Variants in RIMBP2 observed in about 807,000 individuals in gnomAD.
RIMBP2 encodes the protein RIMS binding protein 2, also known as RIMS-binding protein 2.
RIMBP2 carries 48 observed loss-of-function variants against 118.6 expected under a neutral mutation model. That is an observed-to-expected ratio of 0.40 (90% CI 0.32 to 0.51). The LOEUF (loss-of-function observed/expected upper bound fraction) is 0.51. Among genes scored for constraint, RIMBP2 ranks in the 20% least tolerant of loss-of-function variants. The pLI is 0.41. For synonymous variants in RIMBP2, 762 were observed against 742.9 expected, an observed-to-expected ratio of 1.03 and a Z score of -0.42; for missense variants, 1,551 against 1,768.3, an observed-to-expected ratio of 0.88 and a Z score of 2.20.
chr12:130,648,481 C>T (rs11061054), intron 1 of RIMBP2, among the ~76,000 whole-genome samples: 26,205 of 144,480 alleles, frequency 0.18, 5,213 homozygotes, highest in African/African-American at 0.32. Flanking sequence ...CTGTATGCGT[C>T]TTCTAAATCC....
intron 1 of RIMBP2, among the ~76,000 whole-genome samples, chr12:130,690,600 T>C (rs1350329079): frequency 6.6e-6 from 1 of 152,150 alleles, no homozygotes; most frequent in Non-Finnish European, 1.5e-5. Flanking sequence ...GGGAGAGGGA[T>C]TTTCTGTTGC....
At chr12:130,444,798 CTCTGGGAGACCCTGAGGGTGCT>C (rs1419335672) in intron 10 of RIMBP2, among the ~76,000 whole-genome samples, 3 of 152,192 alleles carry the variant, frequency 2.0e-5, no homozygotes, top group Non-Finnish European at 4.4e-5. Context: ...GAGAGGGTGC[CTCTGGGAGACCCTGAGGGTGCT>C]GAAAGACAAG....
intron 1 of RIMBP2, among the ~76,000 whole-genome samples, chr12:130,695,655 C>A (rs74732209): frequency 0.029 from 4,374 of 152,048 alleles, 212 homozygotes; most frequent in African/African-American, 0.1. Flanking sequence ...AGTGAGGTGA[C>A]CTAGTTTGTT....
rs772156262 is a variant in RIMBP2 at position 130,412,604 on chromosome 12, G to T, written c.3589+15C>A. The T allele has an allele frequency of 6.2e-7, 1 of 1,610,582 alleles. No individual in the cohort carries two copies. Among genetic ancestry groups the T allele is most frequent in the South Asian group, 1.1e-5 (1 of 90,616 alleles). On this transcript the variant is annotated intron_variant, in intron 19 of 22. Transcript: ENST00000690449. Reference sequence around the variant, plus strand: ...TAAAATGCACAGGGAAGGTCGAATAGGGGTTTGCGCTTACCTATTTTCTCC... The same window carrying T: ...TAAAATGCACAGGGAAGGTCGAATATGGGTTTGCGCTTACCTATTTTCTCC...
chr12:130,686,655 G>A (rs1249624753), intron 1 of RIMBP2, among the ~76,000 whole-genome samples: 2 of 152,246 alleles, frequency 1.3e-5, no homozygotes, highest in Non-Finnish European at 2.9e-5. Flanking sequence ...CCCGGGCCAC[G>A]CGCACATGGC....
rs182443172 is a variant in RIMBP2, at chr12:130,443,335, G to A, written c.692-675C>T. The stretch of plus-strand genomic sequence containing the variant: ...TATTTTGTGAAAGTCTAACTTCTAC[G>A]TGCTTTCTTCATTAGTAGGGCTCAC... On this transcript the variant is annotated intron_variant, in intron 10 of 22. Transcript: ENST00000690449. Among the ~76,000 whole-genome samples the A allele has an allele frequency of 1.3e-3, 203 of 152,124 alleles. 2 individuals are homozygous for A. Among genetic ancestry groups the A allele is most frequent in the African/African-American group, 4.6e-3 (191 of 41,478 alleles).
At chr12:130,476,173 G>C (rs770799837) in intron 5 of RIMBP2, among the ~76,000 whole-genome samples, 1 of 152,130 alleles carries the variant, frequency 6.6e-6, no homozygotes, top group African/African-American at 2.4e-5. Context: ...CTGGGCCTCC[G>C]GGTCAAAGAA....
In RIMBP2 at chr12:130,437,084, A is replaced by G; in HGVS notation, c.1864T>C (p.Ser622Pro). 6.3e-7 allele frequency: 1 copy of G among 1,576,492 alleles called. No individual in the cohort carries two copies. Among genetic ancestry groups the G allele is most frequent in the Non-Finnish European group, 8.6e-7 (1 of 1,159,406 alleles). ...TCGTCTTTGGTTTCGGGGACTCCAG[A>G]ACTTGCTAATGGCTTTGATTGGGGT... ...PAPQSKPLAS[S>P]GVPETKDEHL... Residue 622 changes from serine to proline, a missense_variant, in exon 13 of 23, where the codon TCT becomes CCT. Ser to Pro is a moderately conservative substitution (Grantham distance 74, BLOSUM62 -1). Around this residue, in one of 5 missense-constraint regions of RIMBP2, gnomAD observed 1,038 missense variants for 1,125.1 expected, o/e 0.92. Coordinates refer to ENST00000690449, the MANE Select transcript of RIMBP2 (RefSeq NM_001393629.1).
chr12:130,697,628 T>C (rs903065795), intron 1 of RIMBP2, among the ~76,000 whole-genome samples: 4 of 152,080 alleles, frequency 2.6e-5, no homozygotes, highest in Non-Finnish European at 4.4e-5. Flanking sequence ...CCTTCCTAAA[T>C]TGGATGTGGT....
chr12:130,510,200 G>A (rs967632086), intron 3 of RIMBP2, among the ~76,000 whole-genome samples: 2 of 152,226 alleles, frequency 1.3e-5, no homozygotes, highest in African/African-American at 4.8e-5. Context: ...GGCGCCAGAA[G>A]CTAGAGTCCA....
chr12:130,586,233 T>A (rs1269249123), intron 2 of RIMBP2, among the ~76,000 whole-genome samples: 1 of 152,148 alleles, frequency 6.6e-6, no homozygotes, highest in Non-Finnish European at 1.5e-5. Context: ...GGTGGGTGGA[T>A]CACGAGGTCA....
intron 2 of RIMBP2, among the ~76,000 whole-genome samples, chr12:130,535,101 C>T (rs1054119809): frequency 1.3e-5 from 2 of 152,282 alleles, no homozygotes; most frequent in Non-Finnish European, 2.9e-5. Context: ...GATCGCTGGC[C>T]GGCTCCCTCA....
chr12:130,493,641 G>A (rs2138499954), intron 4 of RIMBP2, among the ~76,000 whole-genome samples: 1 of 152,194 alleles, frequency 6.6e-6, no homozygotes, highest in Admixed American at 6.5e-5. Flanking sequence ...TGTCTCCATG[G>A]AGTGCTGTTC....
chr12:130,647,260 C>A (rs568248273), intron 1 of RIMBP2, among the ~76,000 whole-genome samples: 2 of 152,074 alleles, frequency 1.3e-5, no homozygotes, highest in Non-Finnish European at 2.9e-5. Context: ...CTACTCGGGA[C>A]GCTGAGGCAG....
rs1313688887 is a variant in RIMBP2 at position 130,621,992 on chromosome 12, T to TA, written c.-217+6329dup. On this transcript the variant is annotated intron_variant, in intron 2 of 22. Coordinates refer to ENST00000690449, the MANE Select transcript of RIMBP2 (RefSeq NM_001393629.1). This position sits in a 1 kb window ranked among gnomAD's most constrained non-coding sequence, Gnocchi z 6.6. Reference sequence around the variant, plus strand: ...CCATTCCACGTCGACTTGTCTACTTTAAAAAATAATAACAGAACAAAATGA... The same window carrying TA: ...CCATTCCACGTCGACTTGTCTACTTTAAAAAAATAATAACAGAACAAAATGA... Among the ~76,000 whole-genome samples, 1 of 152,236 alleles carries TA rather than the reference T, an allele frequency of 6.6e-6. No homozygotes were observed. Among genetic ancestry groups the TA allele is most frequent in the Non-Finnish European group, 1.5e-5 (1 of 68,046 alleles).
chr12:130,478,257 C>A (rs56252773), intron 5 of RIMBP2, among the ~76,000 whole-genome samples: 7 of 152,196 alleles, frequency 4.6e-5, no homozygotes, highest in African/African-American at 1.7e-4. Flanking sequence ...TTGCCTTTTT[C>A]CTTTCTTACT....
At chr12:130,691,128 A>G (rs2065290075) in intron 1 of RIMBP2, among the ~76,000 whole-genome samples, 1 of 152,138 alleles carries the variant, frequency 6.6e-6, no homozygotes, top group Non-Finnish European at 1.5e-5. Flanking sequence ...AAAGGGAGAA[A>G]TCTCAAACGC....
At chr12:130,626,449 C>T (rs1405294611) in intron 2 of RIMBP2, among the ~76,000 whole-genome samples, 2 of 149,954 alleles carry the variant, frequency 1.3e-5, no homozygotes, top group Admixed American at 6.6e-5. Flanking sequence ...ACTGGCATCA[C>T]CACCATCTTC....
chr12:130,483,175 C>T (rs141547196), intron 4 of RIMBP2, among the ~76,000 whole-genome samples: 5 of 106,536 alleles, frequency 4.7e-5, no homozygotes, highest in Non-Finnish European at 8.3e-5. Context: ...CAAATACACC[C>T]ACTGTGTGTG....
Sources: gnomAD v4.1 joint callset for allele counts (sites outside exome capture counted in the v4.1 genomes callset) on GRCh38, gnomAD v4.1.1 for gene constraint, gnomAD v4.1.1 regional missense constraint, Gnocchi (gnomAD v3.1) non-coding constraint, MANE v1.5 for transcripts, NCBI Gene and HGNC (gene_info 2026-07-23, HGNC 2026-07-21) for gene names.